The following EIF5B variants were observed in gnomAD, a reference collection of about 807,000 sequenced individuals.
EIF5B encodes eIF-5B.
A neutral mutation model predicts 147.5 loss-of-function variants in EIF5B; 47 were observed. That is an observed-to-expected ratio of 0.32 (90% CI 0.25 to 0.41). The LOEUF (loss-of-function observed/expected upper bound fraction) is 0.41. EIF5B is among the 10% of genes least tolerant of loss of function. The probability of loss-of-function intolerance (pLI) is 1.00; values close to 1 mark genes in which losing one functional copy is unlikely to be tolerated. For synonymous variants in EIF5B, 455 were observed against 456.2 expected, an observed-to-expected ratio of 1.00 and a Z score of 0.03; for missense variants, 1,064 against 1,413.2, an observed-to-expected ratio of 0.75 and a Z score of 3.96.
At chr2:99,366,341 C>T (rs1221325376) in intron 6 of EIF5B, among the ~76,000 whole-genome samples, 5 of 152,134 alleles carry the variant, frequency 3.3e-5, no homozygotes, top group Non-Finnish European at 7.4e-5. Flanking sequence ...TACAGTTTCC[C>T]CTCAGGCCCA....
At chr2:99,337,748 G>A (rs1266853623) in intron 1 of EIF5B, among the ~76,000 whole-genome samples, 159 bp downstream of exon 1, 1 of 152,224 alleles carries the variant, frequency 6.6e-6, no homozygotes, top group Non-Finnish European at 1.5e-5. Context: ...CAAGCCCCCG[G>A]GCCGGGTGGG....
chr2:99,388,408 T>G (rs1028129647), intron 14 of EIF5B, among the ~76,000 whole-genome samples: 11 of 147,498 alleles, frequency 7.5e-5, no homozygotes, highest in Non-Finnish European at 3.0e-5. Context: ...TTAAGTATGA[T>G]GTCAGCTGCA....
At chr2:99,343,052 C>G (rs1396034229) in intron 1 of EIF5B, among the ~76,000 whole-genome samples, 2 of 151,414 alleles carry the variant, frequency 1.3e-5, no homozygotes, top group Non-Finnish European at 2.9e-5. Context: ...CCTCTGCCTC[C>G]TGGATTCAAG....
intron 14 of EIF5B, 21 bp downstream of exon 14, chr2:99,382,942 A>G (rs746306203): frequency 1.9e-6 from 3 of 1,549,598 alleles, no homozygotes; most frequent in Admixed American, 4.4e-5. Context: ...CTTCTGAAAA[A>G]TTAACCTAGG....
intron 1 of EIF5B, among the ~76,000 whole-genome samples, chr2:99,347,674 T>G (rs1259386795): frequency 6.6e-6 from 1 of 152,190 alleles, no homozygotes; most frequent in East Asian, 1.9e-4. Context: ...ATGCCTGAAC[T>G]AGCAAGAGCT....
At chr2:99,355,524 A>G (rs951438680) in intron 1 of EIF5B, among the ~76,000 whole-genome samples, 1 of 150,046 alleles carries the variant, frequency 6.7e-6, no homozygotes, top group South Asian at 2.1e-4. Context: ...AGATTTAAGT[A>G]TGTTACTTTC....
intron 1 of EIF5B, among the ~76,000 whole-genome samples, chr2:99,341,498 T>G (rs1427653870): frequency 6.6e-6 from 1 of 152,246 alleles, no homozygotes; most frequent in African/African-American, 2.4e-5. Context: ...TTGTGCTTTA[T>G]TTATGCTTCT....
At chr2:99,397,755 A>T (rs1194558912) in intron 22 of EIF5B, 1 of 152,108 alleles carries the variant, frequency 6.6e-6, no homozygotes, top group Non-Finnish European at 1.5e-5. Context: ...TGGAGTTCCT[A>T]ATGGATATCC....
At position 99,368,556 on chromosome 2, in the gene EIF5B, G is replaced by T; in HGVS notation, c.1352G>T (p.Arg451Met). The change falls in exon 7 of 24, where the codon AGG becomes ATG. Residue 451 changes from arginine (R) to methionine (M), a missense_variant. Physicochemically the swap from Arg to Met is moderately conservative, Grantham distance 91. Transcript: ENST00000289371. ...AGGCCAATTTATGAAGATAAAAAGAGGAAAAAAATACCACAGCAGCTAGAA... is the reference window on the plus strand; with the variant it reads ...AGGCCAATTTATGAAGATAAAAAGATGAAAAAAATACCACAGCAGCTAGAA... ...KKRPIYEDKKRKKIPQQLESK... is the reference protein window; with the variant it reads ...KKRPIYEDKKMKKIPQQLESK... 3 of 1,612,056 alleles carry T rather than the reference G, an allele frequency of 1.9e-6. 1 individual carries two copies. In the South Asian group the frequency reaches 3.3e-5, roughly 18 times the overall value.
chr2:99,396,274 T>C (rs940964808), intron 21 of EIF5B, among the ~76,000 whole-genome samples: 1 of 152,200 alleles, frequency 6.6e-6, no homozygotes, highest in Admixed American at 6.5e-5. Flanking sequence ...AGGGTAGTTA[T>C]GTAGTGGCCT....
intron 1 of EIF5B, among the ~76,000 whole-genome samples, chr2:99,353,451 G>T (rs1574921295): frequency 6.6e-6 from 1 of 152,172 alleles, no homozygotes; most frequent in Admixed American, 6.5e-5. Context: ...GAGCCACTGT[G>T]CCCAGCCATT....
intron 12 of EIF5B, among the ~76,000 whole-genome samples, chr2:99,380,926 T>C (rs1238484664): frequency 2.0e-5 from 3 of 152,228 alleles, no homozygotes; most frequent in Admixed American, 6.5e-5. Flanking sequence ...AAATCCTTGG[T>C]TGACATTTTC....
chr2:99,371,852 G>T (rs114720239), intron 9 of EIF5B, 122 bp downstream of exon 9: 9,890 of 868,728 alleles, frequency 0.011, 87 homozygotes, highest in Non-Finnish European at 0.014. Context: ...ATAGGGATAA[G>T]TCTCTTGTTC....
At chr2:99,380,186 A>G (rs1425487339) in intron 12 of EIF5B, among the ~76,000 whole-genome samples, 1 of 152,156 alleles carries the variant, frequency 6.6e-6, no homozygotes, top group Non-Finnish European at 1.5e-5. Context: ...CAGCTTTTAA[A>G]ATAAAAAGTG....
At chr2:99,373,607 A>G (rs1674499468) in intron 9 of EIF5B, among the ~76,000 whole-genome samples, 1 of 152,168 alleles carries the variant, frequency 6.6e-6, no homozygotes, top group African/African-American at 2.4e-5. Context: ...CCATTTACAA[A>G]TCACAGCTAG....
chr2:99,363,935 C>T, intron 5 of EIF5B, 73 bp downstream of exon 5: 4 of 1,455,126 alleles, frequency 2.7e-6, no homozygotes, highest in South Asian at 2.7e-5. Context: ...AATATCTTTA[C>T]TCTTCTAATT....
At chr2:99,397,047 GT>G in intron 22 of EIF5B, 149 bp downstream of exon 22, 1 of 852,276 alleles carries the variant, frequency 1.2e-6, no homozygotes, top group Non-Finnish European at 1.6e-6. Context: ...ATGTTTCAGT[GT>G]TTTTACCTCA....
At chr2:99,382,281 C>T in intron 13 of EIF5B, 55 bp downstream of exon 13, 9 of 1,503,556 alleles carry the variant, frequency 6.0e-6, no homozygotes, top group African/African-American at 1.4e-5. Context: ...ACCATTAAGT[C>T]TAAAAGTTCA....
In EIF5B at chr2:99,363,784, G is replaced by A. The variant is rs769511995; in HGVS notation, c.1059G>A (p.Glu353=). The A allele has an allele frequency of 1.3e-5, 21 of 1,613,816 alleles. No individual in the cohort carries two copies. The highest frequency in any genetic ancestry group is 3.3e-5 in the South Asian group (3 of 91,018). ...AMQEALAKLK[E]EEERQKREEE... ...AAGAAGCTCTGGCTAAGCTTAAAGA[G>A]GAAGAAGAAAGACAGAAGAGAGAAG... is the stretch of plus-strand genomic sequence containing the variant. Residue 353 remains glutamate (E), a synonymous_variant, in exon 5 of 24, where the codon GAG becomes GAA. Transcript: ENST00000289371.
Sources: gnomAD v4.1 joint callset for allele counts (sites outside exome capture counted in the v4.1 genomes callset) on GRCh38, gnomAD v4.1.1 for gene constraint, MANE v1.5 for transcripts, NCBI Gene and HGNC (gene_info 2026-07-23, HGNC 2026-07-21) for gene names.